Variants in SLC34A1 observed in about 807,000 individuals in gnomAD.
SLC34A1 encodes the protein solute carrier family 34 member 1.
Under a neutral mutation model 51.4 loss-of-function variants are expected in SLC34A1, and 57 were observed. The observed-to-expected ratio is 1.11, with a 90% CI of 0.90 to 1.38. The LOEUF (loss-of-function observed/expected upper bound fraction) is 1.38. SLC34A1 is among the 40% of genes most tolerant of loss of function. The pLI, the probability that SLC34A1 is intolerant of heterozygous loss-of-function variation, is 0.00. For synonymous variants in SLC34A1, 368 were observed against 358.0 expected (o/e 1.03, Z -0.32); for missense variants, 796 against 835.6 (o/e 0.95, Z 0.58).
intron 8 of SLC34A1, chr5:177,389,597 C>T (rs1319540263): frequency 2.6e-6 from 4 of 1,536,250 alleles, no homozygotes; most frequent in Non-Finnish European, 2.6e-6. Context: ...TCTGAGCACT[C>T]TTAGTGCTCT....
intron 12 of SLC34A1, 106 bp from the exon 13 acceptor site, chr5:177,397,677 C>T: frequency 6.7e-7 from 1 of 1,498,616 alleles, no homozygotes; most frequent in East Asian, 2.3e-5. Flanking sequence ...TGGAAACTTT[C>T]CTGCTGCCCA....
chr5:177,388,204 T>C lies in SLC34A1; in HGVS notation c.840+15T>C. ...TCATCATCCAGGTGACAGCAGGGCC[T>C]GGCATGGGGTGAGGGTGGGGGTAAC... On this transcript the variant is annotated intron_variant, in intron 7 of 12. Transcript: ENST00000324417. The surrounding 1 kb of genome is among the most constrained non-coding windows in gnomAD (Gnocchi z 4.3). 6.2e-7 allele frequency: 1 copy of C among 1,614,026 alleles called. No homozygotes were observed. The highest frequency in any genetic ancestry group is 8.5e-7 in the Non-Finnish European group (1 of 1,179,990).
rs1256733558 is a variant in SLC34A1, at chr5:177,397,831, T to C, written c.1465T>C (p.Tyr489His). Residue 489 changes from tyrosine to histidine, a missense_variant, in exon 13 of 13, where the codon TAC becomes CAC. Physicochemically the swap from Tyr to His is moderately conservative, Grantham distance 83 (BLOSUM62 2). Transcript: ENST00000324417. ...CAACATCTCGGGTATCCTTCTGTGG[T>C]ACCCGGTGCCCTGCACACGCCTGCC... ...FFNISGILLWYPVPCTRLPIR... is the reference protein window; with the variant it reads ...FFNISGILLWHPVPCTRLPIR... 6.2e-7 allele frequency: 1 copy of C among 1,613,378 alleles called. No individual in the cohort carries two copies.
Position 177,396,618 on chromosome 5 carries a change from G to C in SLC34A1, c.1175-115G>C. Reference sequence around the variant, plus strand: ...TCCTCTCTCCCAGTGCCCCCGCGGAGATCCGCTCTCCCAGTGCCCCCGCGG... The same window carrying C: ...TCCTCTCTCCCAGTGCCCCCGCGGACATCCGCTCTCCCAGTGCCCCCGCGG... On this transcript the variant is annotated intron_variant, in intron 10 of 12. Coordinates refer to ENST00000324417, the MANE Select transcript of SLC34A1 (RefSeq NM_003052.5). This position sits in a 1 kb window ranked among gnomAD's most constrained non-coding sequence, Gnocchi z 4.0. The C allele has an allele frequency of 1.3e-6, 1 of 763,096 alleles. No individual in the cohort carries two copies. The highest frequency in any genetic ancestry group is 1.8e-5 in the Admixed American group (1 of 56,014). The allele number at this position is 763,096 out of a possible 1,614,324, so 47.3% of individuals were successfully genotyped here. A position where few individuals can be genotyped will look rare whatever the true frequency, so the allele number is the denominator to read the frequency against.
In SLC34A1 at chr5:177,396,942, G is replaced by A; in HGVS notation, c.1292-8G>A. ...TGGGGGTCCCACTTCCTCTCCCTCTGTCCCCAGGTCTTGGTGTGATCAGCA... is the reference window on the plus strand; with the variant it reads ...TGGGGGTCCCACTTCCTCTCCCTCTATCCCCAGGTCTTGGTGTGATCAGCA... On this transcript the variant is annotated splice_polypyrimidine_tract_variant and splice_region_variant and intron_variant, in intron 11 of 12. Transcript: ENST00000324417. The surrounding 1 kb of genome is among the most constrained non-coding windows in gnomAD (Gnocchi z 4.0). 1 of 1,614,126 alleles carries A rather than the reference G, an allele frequency of 6.2e-7. No homozygotes were observed. Among genetic ancestry groups the A allele is most frequent in the East Asian group, 2.2e-5 (1 of 44,884 alleles).
In SLC34A1 at chr5:177,388,993, C is replaced by T. The variant is rs180799874; in HGVS notation, c.936+621C>T. On this transcript the variant is annotated intron_variant, in intron 8 of 12. Transcript: ENST00000324417. The surrounding 1 kb of genome is among the most constrained non-coding windows in gnomAD (Gnocchi z 4.3). Reference sequence around the variant, plus strand: ...AGGAAAGTAACAGGAAGGTGAGCTGCGTGGAGAACTCCTTGGAGATGTTAA... The same window carrying T: ...AGGAAAGTAACAGGAAGGTGAGCTGTGTGGAGAACTCCTTGGAGATGTTAA... Among the ~76,000 whole-genome samples, 175 of 152,274 alleles carry T rather than the reference C, an allele frequency of 1.1e-3. 1 individual carries two copies. The highest frequency in any genetic ancestry group is 3.4e-3 in the Middle Eastern group (1 of 294).
chr5:177,386,090 T>C lies in SLC34A1; in HGVS notation c.213T>C (p.His71=), dbSNP rs1282508364. 2 of 1,613,184 alleles carry C rather than the reference T, an allele frequency of 1.2e-6. No homozygotes were observed. The highest frequency in any genetic ancestry group is 2.2e-5 in the East Asian group (1 of 44,860). Residue 71 remains histidine (H), a synonymous_variant, in exon 3 of 13, where the codon CAT becomes CAC. Coordinates refer to ENST00000324417, the MANE Select transcript of SLC34A1 (RefSeq NM_003052.5). This position sits in a 1 kb window ranked among gnomAD's most constrained non-coding sequence, Gnocchi z 4.8. Reference sequence around the variant, plus strand: ...CCTGTGGGGAGGTCCTGGAGCGCCATGAACCACTGCCTGCCAAGCTGGCCC... The same window carrying C: ...CCTGTGGGGAGGTCCTGGAGCGCCACGAACCACTGCCTGCCAAGCTGGCCC... ...TCPCGEVLER[H]EPLPAKLALE...
intron 10 of SLC34A1, 84 bp downstream of exon 10, chr5:177,394,279 G>A (rs1006242193): frequency 2.8e-6 from 4 of 1,419,126 alleles, no homozygotes; most frequent in African/African-American, 1.4e-5. Context: ...CTTGATCTGG[G>A]TAAACCCTAC....
chr5:177,391,464 T>TC (rs1762801029), intron 8 of SLC34A1, among the ~76,000 whole-genome samples: 1 of 152,076 alleles, frequency 6.6e-6, no homozygotes, highest in African/African-American at 2.4e-5. Context: ...CCCACAGTCC[T>TC]CCCCACAGAG....
At position 177,396,812 on chromosome 5, in the gene SLC34A1, C is replaced by T; in HGVS notation, c.1254C>T (p.Ser418=). The T allele has an allele frequency of 6.2e-7, 1 of 1,614,240 alleles. No individual in the cohort carries two copies. Among genetic ancestry groups the T allele is most frequent in the Non-Finnish European group, 8.5e-7 (1 of 1,180,042 alleles). The change falls in exon 11 of 13, where the codon AGC becomes AGT. Residue 418 remains serine, a synonymous_variant. Coordinates refer to ENST00000324417, the MANE Select transcript of SLC34A1 (RefSeq NM_003052.5). This position sits in a 1 kb window ranked among gnomAD's most constrained non-coding sequence, Gnocchi z 4.0. ...VGASMTFVVQ[S]SSVFTSAITP... ...CCAGCATGACCTTCGTGGTCCAGAG[C>T]AGTTCTGTGTTCACCTCGGCCATCA...
In SLC34A1 at chr5:177,397,773, T is replaced by G. The variant is rs1368600703; in HGVS notation, c.1417-10T>G. 1 of 1,606,714 alleles carries G rather than the reference T, an allele frequency of 6.2e-7. No individual in the cohort carries two copies. The highest frequency in any genetic ancestry group is 8.5e-7 in the Non-Finnish European group (1 of 1,179,864). ...TGCCCATCTCAGCCCCTCTGCCTCATCCCCTGCAGATTGCCCTCTGTCACT... is the reference window on the plus strand; with the variant it reads ...TGCCCATCTCAGCCCCTCTGCCTCAGCCCCTGCAGATTGCCCTCTGTCACT... On this transcript the variant is annotated splice_polypyrimidine_tract_variant and intron_variant, in intron 12 of 12. Coordinates refer to ENST00000324417, the MANE Select transcript of SLC34A1 (RefSeq NM_003052.5).
At chr5:177,392,081 G>A (rs999847623) in intron 8 of SLC34A1, among the ~76,000 whole-genome samples, 4 of 152,314 alleles carry the variant, frequency 2.6e-5, no homozygotes, top group Admixed American at 1.3e-4. Context: ...CTGATGTGGC[G>A]AACTGGGAGC....
chr5:177,390,709 G>C (rs192024400), intron 8 of SLC34A1, among the ~76,000 whole-genome samples: 1 of 151,716 alleles, frequency 6.6e-6, no homozygotes, highest in Non-Finnish European at 1.5e-5. Context: ...GCTCTCCCTC[G>C]GCTTCCAGAA....
chr5:177,398,379 G>C lies in SLC34A1; in HGVS notation c.*93G>C. 6.9e-7 allele frequency: 1 copy of C among 1,446,882 alleles called. No individual in the cohort carries two copies. The allele number at this position is 1,446,882 out of a possible 1,614,324, so 89.6% of individuals were successfully genotyped here. A position where few individuals can be genotyped will look rare whatever the true frequency, so the allele number is the denominator to read the frequency against. The stretch of plus-strand genomic sequence containing the variant: ...TGTGTAGGTATGTGCATGTGCCTGT[G>C]CCACCCTGGGTGCCAGTCTCTCCTT... On this transcript the variant is annotated 3_prime_UTR_variant, in exon 13 of 13. Coordinates refer to ENST00000324417, the MANE Select transcript of SLC34A1 (RefSeq NM_003052.5). This position sits in a 1 kb window ranked among gnomAD's most constrained non-coding sequence, Gnocchi z 4.7.
chr5:177,394,136 T>G lies in SLC34A1; in HGVS notation c.1115T>G (p.Met372Arg). Residue 372 changes from methionine (M) to arginine (R), a missense_variant, in exon 10 of 13, where the codon ATG becomes AGG. Coordinates refer to ENST00000324417, the MANE Select transcript of SLC34A1 (RefSeq NM_003052.5). ...LCTCLILLVK[M>R]LNSLLKGQVA... ...ACCTGCCTCATCCTCCTAGTCAAGA[T>G]GCTCAACTCCCTGCTCAAGGGCCAA... is the stretch of plus-strand genomic sequence containing the variant. 6.2e-7 allele frequency: 1 copy of G among 1,614,090 alleles called. No homozygotes were observed. The highest frequency in any genetic ancestry group is 1.7e-5 in the Admixed American group (1 of 60,022).
At chr5:177,391,255 C>T (rs1266000524) in intron 8 of SLC34A1, among the ~76,000 whole-genome samples, 1 of 152,240 alleles carries the variant, frequency 6.6e-6, no homozygotes, top group African/African-American at 2.4e-5. Flanking sequence ...TCACTCTCTG[C>T]CTGGCTTTGT....
chr5:177,395,313 G>A (rs540574396), intron 10 of SLC34A1, among the ~76,000 whole-genome samples: 24 of 152,264 alleles, frequency 1.6e-4, no homozygotes, highest in African/African-American at 5.3e-4. Context: ...TTTCCAATGC[G>A]CTGTTTGAGG....
chr5:177,390,287 G>A (rs1561630928), intron 8 of SLC34A1: 14 of 988,308 alleles, frequency 1.4e-5, no homozygotes, highest in South Asian at 1.4e-4. Context: ...TGAGTCTCCC[G>A]GGACCCTGAC....
chr5:177,397,711 C>G, intron 12 of SLC34A1, 72 bp from the exon 13 acceptor site: 1 of 1,584,788 alleles, frequency 6.3e-7, no homozygotes. Context: ...TTCCTATCAT[C>G]TACCCCTGCT....
Sources: gnomAD v4.1 joint callset for allele counts (sites outside exome capture counted in the v4.1 genomes callset) on GRCh38, gnomAD v4.1.1 for gene constraint, Gnocchi (gnomAD v3.1) non-coding constraint, MANE v1.5 for transcripts, NCBI Gene and HGNC (gene_info 2026-07-23, HGNC 2026-07-21) for gene names.